The following PGBD4 variants were observed in gnomAD, a reference collection of about 807,000 sequenced individuals.
PGBD4 encodes the protein piggyBac transposable element derived 4.
A neutral mutation model predicts 0.3 loss-of-function variants in PGBD4; 1 was observed. The ratio of observed to expected loss-of-function variants is 3.72; its 90% CI spans 1.32 to 17.64. The LOEUF (loss-of-function observed/expected upper bound fraction) is 17.64, where lower values mean the gene tolerates loss of function less well. Among genes scored for constraint, PGBD4 ranks in the 30% most tolerant of loss-of-function variants. The pLI is 0.11. For missense variants in PGBD4, 624 were observed against 719.7 expected (o/e 0.87, Z 1.52); for synonymous variants, 253 against 267.7 (o/e 0.95, Z 0.54).
rs755085688 is a variant in PGBD4 at position 34,102,938 on chromosome 15, C to T, written c.407C>T (p.Pro136Leu). ...GCTGCCTTGTTGGCTTCAAAGCCAC[C>T]GGGTCCGAAAGGATTTTCGCGAATG... is the stretch of plus-strand genomic sequence containing the variant. ...AQAALLASKP[P>L]GPKGFSRMDK... Residue 136 changes from proline (P) to leucine (L), a missense_variant, in exon 1 of 1, where the codon CCG becomes CTG. Physicochemically the swap from Pro to Leu is moderately conservative, Grantham distance 98 (BLOSUM62 -3). Transcript: ENST00000397766. The surrounding 1 kb of genome is among the most constrained non-coding windows in gnomAD (Gnocchi z 4.7). The T allele has an allele frequency of 5.0e-6, 8 of 1,613,748 alleles. No homozygotes were observed. The highest frequency in any genetic ancestry group is 4.5e-5 in the East Asian group (2 of 44,898).
Position 34,103,275 on chromosome 15 carries a change from A to T in PGBD4, c.744A>T (p.Ala248=). 1 of 1,614,234 alleles carries T rather than the reference A, an allele frequency of 6.2e-7. No homozygotes were observed. The highest frequency in any genetic ancestry group is 1.3e-5 in the African/African-American group (1 of 75,070). The change falls in exon 1 of 1, where the codon GCA becomes GCT. Residue 248 remains alanine (A), a synonymous_variant. Coordinates refer to ENST00000397766, the MANE Select transcript of PGBD4 (RefSeq NM_152595.5). The surrounding 1 kb of genome is among the most constrained non-coding windows in gnomAD (Gnocchi z 4.6). ...STVYTPNRNI[A]VDESLMLFKG... ...TATATACTCCAAACAGAAACATTGC[A>T]GTTGATGAATCACTGATGCTGTTCA...
In PGBD4 at chr15:34,106,608, G is replaced by C. The variant is rs1450484492; in HGVS notation, c.*2319G>C. On this transcript the variant is annotated 3_prime_UTR_variant, in exon 1 of 1. Transcript: ENST00000397766. ...ATGGTACAATATTCAAAAGGCACAT[G>C]GTACAATATTCAAAAGGCACATGGT... The C allele has an allele frequency of 6.6e-6, 1 of 152,048 alleles. No homozygotes were observed. The highest frequency in any genetic ancestry group is 1.5e-5 in the Non-Finnish European group (1 of 68,056). The allele number at this position is 152,048 out of a possible 1,614,324, so 9.4% of individuals were successfully genotyped here. A position where few individuals can be genotyped will look rare whatever the true frequency, so the allele number is the denominator to read the frequency against.
Position 34,103,996 on chromosome 15 carries a change from T to A in PGBD4, c.1465T>A (p.Leu489Met). The A allele has an allele frequency of 1.9e-6, 3 of 1,614,116 alleles. No individual in the cohort carries two copies. Among genetic ancestry groups the A allele is most frequent in the Non-Finnish European group, 2.5e-6 (3 of 1,179,974 alleles). The change falls in exon 1 of 1, where the codon TTG becomes ATG. Residue 489 changes from leucine (L) to methionine (M), a missense_variant. Coordinates refer to ENST00000397766, the MANE Select transcript of PGBD4 (RefSeq NM_152595.5). This position sits in a 1 kb window ranked among gnomAD's most constrained non-coding sequence, Gnocchi z 4.6. Reference protein sequence around the residue: ...TMSHINFRLALIERMLEKHHK... With the variant: ...TMSHINFRLAMIERMLEKHHK... ...GAGCCATATAAACTTCAGACTGGCA[T>A]TGATTGAAAGAATGCTGGAAAAGCA...
Position 34,102,178 on chromosome 15 carries a change from G to T in PGBD4, c.-354G>T, listed in dbSNP as rs999313042. ...ACCTCACGGGAGTAAAAGATGACGAGACTGGCTTCGGGAGAAACACCATCC... is the reference window on the plus strand; with the variant it reads ...ACCTCACGGGAGTAAAAGATGACGATACTGGCTTCGGGAGAAACACCATCC... On this transcript the variant is annotated 5_prime_UTR_variant, in exon 1 of 1. Coordinates refer to ENST00000397766, the MANE Select transcript of PGBD4 (RefSeq NM_152595.5). The surrounding 1 kb of genome is among the most constrained non-coding windows in gnomAD (Gnocchi z 4.7). 4 of 454,310 alleles carry T rather than the reference G, an allele frequency of 8.8e-6. No individual in the cohort carries two copies. The highest frequency in any genetic ancestry group is 1.6e-5 in the Non-Finnish European group (4 of 257,912). 28.1% of individuals were successfully genotyped at this position (454,310 alleles called of 1,614,324 possible).
Position 34,103,890 on chromosome 15 carries a change from G to A in PGBD4, c.1359G>A (p.Lys453=). ...GCAAAAGACACAAGGTTTGGTATAA[G>A]AAATTCTTTCACCATCTTCTACACA... The part of the protein sequence containing the change: ...SERKRHKVWY[K]KFFHHLLHIT... The change falls in exon 1 of 1, where the codon AAG becomes AAA. Residue 453 remains lysine (K), a synonymous_variant. Coordinates refer to ENST00000397766, the MANE Select transcript of PGBD4 (RefSeq NM_152595.5). The surrounding 1 kb of genome is among the most constrained non-coding windows in gnomAD (Gnocchi z 4.6). 6.2e-7 allele frequency: 1 copy of A among 1,614,064 alleles called. No individual in the cohort carries two copies. Among genetic ancestry groups the A allele is most frequent in the Non-Finnish European group, 8.5e-7 (1 of 1,180,028 alleles).
chr15:34,103,697 A>G lies in PGBD4; in HGVS notation c.1166A>G (p.Asp389Gly). Residue 389 changes from aspartate to glycine, a missense_variant, in exon 1 of 1, where the codon GAC (aspartate) becomes GGC (glycine). Coordinates refer to ENST00000397766, the MANE Select transcript of PGBD4 (RefSeq NM_152595.5). This position sits in a 1 kb window ranked among gnomAD's most constrained non-coding sequence, Gnocchi z 4.6. ...GAACTTATGGCACTGAAATGGTGTG[A>G]CGGCAAGGAGGTGACAATGTTGTCA... ...CGELMALKWC[D>G]GKEVTMLSTF... 6.2e-7 allele frequency: 1 copy of G among 1,614,214 alleles called. No individual in the cohort carries two copies. The highest frequency in any genetic ancestry group is 2.2e-5 in the East Asian group (1 of 44,888).
At position 34,105,211 on chromosome 15, in the gene PGBD4, T is replaced by C. The variant is rs1026032998; in HGVS notation, c.*922T>C. 5.4e-5 allele frequency: 9 copies of C among 167,140 alleles called. No individual in the cohort carries two copies. Among genetic ancestry groups the C allele is most frequent in the African/African-American group, 1.7e-4 (7 of 41,474 alleles). The allele number at this position is 167,140 out of a possible 1,614,324, so 10.4% of individuals were successfully genotyped here. ...ACTATTCTTCCTGTTGTGATTGTTT[T>C]ACTGTGAACATAACAAGGTTGTATT... On this transcript the variant is annotated 3_prime_UTR_variant, in exon 1 of 1. Transcript: ENST00000397766.
Position 34,104,150 on chromosome 15 carries a change from G to C in PGBD4, c.1619G>C (p.Arg540Pro). The change falls in exon 1 of 1, where the codon CGC becomes CCC. Residue 540 changes from arginine to proline, a missense_variant. Arg to Pro is a moderately radical substitution (Grantham distance 103). Coordinates refer to ENST00000397766, the MANE Select transcript of PGBD4 (RefSeq NM_152595.5). ...ATSGKQNPTG[R>P]CKICCSQYDK... ...TCCGGGAAACAGAATCCAACTGGTC[G>C]CTGCAAAATTTGCTGCTCCCAATAC... 6.2e-7 allele frequency: 1 copy of C among 1,614,148 alleles called. No individual in the cohort carries two copies. Among genetic ancestry groups the C allele is most frequent in the African/African-American group, 1.3e-5 (1 of 75,028 alleles).
At position 34,104,420 on chromosome 15, in the gene PGBD4, T is replaced by C. The variant is rs1462623262; in HGVS notation, c.*131T>C. 2.1e-6 allele frequency: 2 copies of C among 950,848 alleles called. No homozygotes were observed. Among genetic ancestry groups the C allele is most frequent in the African/African-American group, 3.3e-5 (2 of 60,164 alleles). The allele number at this position is 950,848 out of a possible 1,614,324, so 58.9% of individuals were successfully genotyped here. On this transcript the variant is annotated 3_prime_UTR_variant, in exon 1 of 1. Transcript: ENST00000397766. ...GAATTCAAGACCAGCCTGGCCAACATGGTGAAACCCTGTCTCTACTAAAAA... is the reference window on the plus strand; with the variant it reads ...GAATTCAAGACCAGCCTGGCCAACACGGTGAAACCCTGTCTCTACTAAAAA...
rs959964571 is a variant in PGBD4 at position 34,107,329 on chromosome 15, T to C, written c.*3040T>C. ...GCTGCAAAATGTTCCAGCTTATGGA[T>C]GGACTGATTCTCTATCGAGCAACAT... On this transcript the variant is annotated 3_prime_UTR_variant, in exon 1 of 1. Coordinates refer to ENST00000397766, the MANE Select transcript of PGBD4 (RefSeq NM_152595.5). 5.9e-5 allele frequency: 9 copies of C among 152,318 alleles called. No homozygotes were observed. Among genetic ancestry groups the C allele is most frequent in the Non-Finnish European group, 1.2e-4 (8 of 68,038 alleles). 9.4% of individuals were successfully genotyped at this position (152,318 alleles called of 1,614,324 possible). A position where few individuals can be genotyped will look rare whatever the true frequency, so the allele number is the denominator to read the frequency against.
rs1192531375 is a variant in PGBD4, at chr15:34,102,453, G to A, written c.-79G>A. 2.1e-6 allele frequency: 3 copies of A among 1,436,978 alleles called. No homozygotes were observed. Among genetic ancestry groups the A allele is most frequent in the African/African-American group, 1.4e-5 (1 of 69,638 alleles). 89.0% of individuals were successfully genotyped at this position (1,436,978 alleles called of 1,614,324 possible). Reference sequence around the variant, plus strand: ...TGGTATATTGACTTTTGAAACAAAAGACATCATTCTGTTTATAGCATTCTG... The same window carrying A: ...TGGTATATTGACTTTTGAAACAAAAAACATCATTCTGTTTATAGCATTCTG... On this transcript the variant is annotated 5_prime_UTR_variant, in exon 1 of 1. Transcript: ENST00000397766. The surrounding 1 kb of genome is among the most constrained non-coding windows in gnomAD (Gnocchi z 4.7).
In PGBD4 at chr15:34,102,187, C is replaced by T. The variant is rs1281753520; in HGVS notation, c.-345C>T. The T allele has an allele frequency of 2.2e-6, 1 of 448,430 alleles. No homozygotes were observed. The highest frequency in any genetic ancestry group is 3.9e-6 in the Non-Finnish European group (1 of 254,532). The allele number at this position is 448,430 out of a possible 1,614,324, so 27.8% of individuals were successfully genotyped here. ...GAGTAAAAGATGACGAGACTGGCTT[C>T]GGGAGAAACACCATCCAGAAGAGAC... On this transcript the variant is annotated 5_prime_UTR_variant, in exon 1 of 1. Transcript: ENST00000397766. This position sits in a 1 kb window ranked among gnomAD's most constrained non-coding sequence, Gnocchi z 4.7.
At position 34,107,698 on chromosome 15, in the gene PGBD4, G is replaced by T. The variant is rs1887782991; in HGVS notation, c.*3409G>T. On this transcript the variant is annotated 3_prime_UTR_variant, in exon 1 of 1. Transcript: ENST00000397766. The stretch of plus-strand genomic sequence containing the variant: ...TTTTTGAGACAGAGTTTCACTCTTT[G>T]TTGCCCAGGCTGGAGTGCAGTGGCG... The T allele has an allele frequency of 6.6e-6, 1 of 152,530 alleles. No individual in the cohort carries two copies. Among genetic ancestry groups the T allele is most frequent in the Admixed American group, 6.5e-5 (1 of 15,288 alleles). The allele number at this position is 152,530 out of a possible 1,614,324, so 9.4% of individuals were successfully genotyped here. A position where few individuals can be genotyped will look rare whatever the true frequency, so the allele number is the denominator to read the frequency against.
rs1231515295 is a variant in PGBD4 at position 34,103,786 on chromosome 15, C to A, written c.1255C>A (p.Arg419Ser). The A allele has an allele frequency of 1.2e-6, 2 of 1,614,126 alleles. No individual in the cohort carries two copies. The highest frequency in any genetic ancestry group is 1.7e-6 in the Non-Finnish European group (2 of 1,180,030). Residue 419 changes from arginine (R) to serine (S), a missense_variant, in exon 1 of 1, where the codon CGT becomes AGT. By Grantham distance (110) the Arg-to-Ser change is moderately radical. Transcript: ENST00000397766. The surrounding 1 kb of genome is among the most constrained non-coding windows in gnomAD (Gnocchi z 4.6). Reference protein sequence around the residue: ...NRNGKKTKRPRVIVDYNENMG... With the variant: ...NRNGKKTKRPSVIVDYNENMG... ...AAATGGAAAGAAAACTAAAAGGCCA[C>A]GTGTCATTGTGGATTATAACGAGAA...
At position 34,103,616 on chromosome 15, in the gene PGBD4, C is replaced by A; in HGVS notation, c.1085C>A (p.Pro362Gln). ...GCTCGTTTGAACAGAAAACAGATTC[C>A]AAATGATCTGAAAAAAAGGATTGCA... ...GTARLNRKQI[P>Q]NDLKKRIAKG... is the part of the protein sequence containing the mutation. The change falls in exon 1 of 1, where the codon CCA becomes CAA. Residue 362 changes from proline to glutamine, a missense_variant. By Grantham distance (76) the Pro-to-Gln change is moderately conservative. Coordinates refer to ENST00000397766, the MANE Select transcript of PGBD4 (RefSeq NM_152595.5). This position sits in a 1 kb window ranked among gnomAD's most constrained non-coding sequence, Gnocchi z 4.6. 1 of 1,614,056 alleles carries A rather than the reference C, an allele frequency of 6.2e-7. No individual in the cohort carries two copies. Among genetic ancestry groups the A allele is most frequent in the South Asian group, 1.1e-5 (1 of 91,072 alleles).
chr15:34,104,404 A>T lies in PGBD4; in HGVS notation c.*115A>T. On this transcript the variant is annotated 3_prime_UTR_variant, in exon 1 of 1. Transcript: ENST00000397766. ...GATCACCTGAGATCAGGAATTCAAG[A>T]CCAGCCTGGCCAACATGGTGAAACC... 1 of 1,154,840 alleles carries T rather than the reference A, an allele frequency of 8.7e-7. No homozygotes were observed. Among genetic ancestry groups the T allele is most frequent in the Non-Finnish European group, 1.2e-6 (1 of 833,212 alleles). The allele number at this position is 1,154,840 out of a possible 1,614,324, so 71.5% of individuals were successfully genotyped here. A position where few individuals can be genotyped will look rare whatever the true frequency, so the allele number is the denominator to read the frequency against.
rs1342766750 is a variant in PGBD4 at position 34,105,744 on chromosome 15, G to C, written c.*1455G>C. ...ATTTGCTAGGGAACTGGTAATCTAG[G>C]CTCAAGAAGTGTGTGGAGAAGGTTT... is the stretch of plus-strand genomic sequence containing the variant. On this transcript the variant is annotated 3_prime_UTR_variant, in exon 1 of 1. Transcript: ENST00000397766. 1 of 166,930 alleles carries C rather than the reference G, an allele frequency of 6.0e-6. No individual in the cohort carries two copies. Among genetic ancestry groups the C allele is most frequent in the Non-Finnish European group, 1.5e-5 (1 of 68,112 alleles). 10.3% of individuals were successfully genotyped at this position (166,930 alleles called of 1,614,324 possible). A position where few individuals can be genotyped will look rare whatever the true frequency, so the allele number is the denominator to read the frequency against.
In PGBD4 at chr15:34,103,373, G is replaced by A; in HGVS notation, c.842G>A (p.Cys281Tyr). ...TTTGGTCTGAAGCTATATGTACTTT[G>A]TGAAAGTCAGTCTGGTTATGTGTGG... ...VRFGLKLYVL[C>Y]ESQSGYVWNA... is the part of the protein sequence containing the mutation. The change falls in exon 1 of 1, where the codon TGT becomes TAT. Residue 281 changes from cysteine (C) to tyrosine (Y), a missense_variant. Physicochemically the swap from Cys to Tyr is radical, Grantham distance 194. Coordinates refer to ENST00000397766, the MANE Select transcript of PGBD4 (RefSeq NM_152595.5). The surrounding 1 kb of genome is among the most constrained non-coding windows in gnomAD (Gnocchi z 4.6). The A allele has an allele frequency of 6.2e-7, 1 of 1,614,220 alleles. No homozygotes were observed. The highest frequency in any genetic ancestry group is 1.6e-4 in the Middle Eastern group (1 of 6,062).
Position 34,104,271 on chromosome 15 carries a change from C to A in PGBD4, c.1740C>A (p.His580Gln), listed in dbSNP as rs1431724081. ...TTGTTCCGTGCTTTGAAATTTACCA[C>A]ACGAAAAAAAATTATTAAATACCGA... Reference protein sequence around the residue: ...LCVVPCFEIYHTKKNY With the variant: ...LCVVPCFEIYQTKKNY Residue 580 changes from histidine to glutamine, a missense_variant, in exon 1 of 1, where the codon CAC (histidine) becomes CAA (glutamine). By Grantham distance (24) the His-to-Gln change is conservative. Transcript: ENST00000397766. 3.1e-6 allele frequency: 5 copies of A among 1,606,096 alleles called. No homozygotes were observed. The highest frequency in any genetic ancestry group is 3.4e-5 in the Admixed American group (2 of 58,066).
Sources: gnomAD v4.1 joint callset for allele counts on GRCh38, gnomAD v4.1.1 for gene constraint, Gnocchi (gnomAD v3.1) non-coding constraint, MANE v1.5 for transcripts, NCBI Gene and HGNC (gene_info 2026-07-23, HGNC 2026-07-21) for gene names.